Variants in MBNL2 observed in about 807,000 individuals in gnomAD.
The protein encoded by MBNL2 is muscleblind like splicing regulator 2.
MBNL2 carries 17 observed loss-of-function variants against 41.9 expected under a neutral mutation model. The observed-to-expected ratio is 0.41, with a 90% CI of 0.28 to 0.61. The LOEUF is 0.61. MBNL2 is among the 20% of genes least tolerant of loss of function. MBNL2 has a pLI of 0.35. For missense variants in MBNL2, 336 were observed against 505.6 expected (o/e 0.66, Z 3.22); for synonymous variants, 195 against 182.9 (o/e 1.07, Z -0.53).
chr13:97,204,752 C>T, the MBNL2 span, among the ~76,000 whole-genome samples: 1 of 152,140 alleles, frequency 6.6e-6, no homozygotes, highest in African/African-American at 2.4e-5. Context: ...CCCTTCAGTG[C>T]TGGGTCCCCC....
chr13:97,359,194 G>C (rs2063208623), intron 7 of MBNL2, among the ~76,000 whole-genome samples: 1 of 151,890 alleles, frequency 6.6e-6, no homozygotes, highest in Non-Finnish European at 1.5e-5. Context: ...TTACTAGAAG[G>C]TAAACTTACG....
the MBNL2 span, among the ~76,000 whole-genome samples, chr13:97,148,450 C>T: frequency 2.0e-5 from 3 of 151,834 alleles, no homozygotes; most frequent in African/African-American, 4.8e-5. Context: ...TTTATGTAAA[C>T]GATGGACTTT....
At chr13:97,300,749 G>C (rs1594179494) in intron 2 of MBNL2, among the ~76,000 whole-genome samples, 1 of 152,140 alleles carries the variant, frequency 6.6e-6, no homozygotes, top group Middle Eastern at 3.4e-3. Flanking sequence ...AAAAATTTGG[G>C]TGCTCAATCC....
At chr13:97,146,901 C>T in the MBNL2 span, among the ~76,000 whole-genome samples, 1 of 152,214 alleles carries the variant, frequency 6.6e-6, no homozygotes, top group Admixed American at 6.5e-5. Context: ...GAAAAGGCAA[C>T]TCCCATTGGA....
intron 5 of MBNL2, among the ~76,000 whole-genome samples, chr13:97,351,665 T>G (rs2062471761): frequency 6.6e-6 from 1 of 152,214 alleles, no homozygotes; most frequent in Non-Finnish European, 1.5e-5. Context: ...CTTCCAACTT[T>G]TCTTTTGTAG....
At chr13:97,327,053 G>A (rs1468053985) in intron 2 of MBNL2, among the ~76,000 whole-genome samples, 2 of 152,156 alleles carry the variant, frequency 1.3e-5, no homozygotes, top group South Asian at 2.1e-4. Flanking sequence ...AAACTATGGG[G>A]AAACTGAGGC....
chr13:97,363,485 A>C (rs1202122051), intron 7 of MBNL2, among the ~76,000 whole-genome samples: 1 of 144,282 alleles, frequency 6.9e-6, no homozygotes, highest in Non-Finnish European at 1.5e-5. Flanking sequence ...TAAGGGAAGA[A>C]AGTGGCTTCC....
intron 1 of MBNL2, among the ~76,000 whole-genome samples, chr13:97,264,105 A>G (rs1342333067): frequency 1.3e-5 from 2 of 149,454 alleles, no homozygotes; most frequent in Admixed American, 6.7e-5. Flanking sequence ...CTGCCTCCCG[A>G]GTAGCTGGGG....
the MBNL2 span, among the ~76,000 whole-genome samples, chr13:97,214,273 T>G: frequency 2.6e-5 from 4 of 152,208 alleles, no homozygotes; most frequent in Non-Finnish European, 5.9e-5. Context: ...TCCTGGTTTT[T>G]TAAAACTTGG....
intron 2 of MBNL2, among the ~76,000 whole-genome samples, chr13:97,297,741 G>A (rs1317423518): frequency 6.6e-6 from 1 of 152,214 alleles, no homozygotes; most frequent in Non-Finnish European, 1.5e-5. Flanking sequence ...TGATGAAGGA[G>A]TCTGGATATC....
At chr13:97,237,838 C>T (rs1009262359) in intron 1 of MBNL2, among the ~76,000 whole-genome samples, 2 of 152,108 alleles carry the variant, frequency 1.3e-5, no homozygotes, top group Admixed American at 6.5e-5. Context: ...GAGATAATTC[C>T]GTGAGCAGAG....
chr13:97,356,741 C>T (rs2063019388), intron 5 of MBNL2, 55 bp from the exon 6 acceptor site: 3 of 1,093,042 alleles, frequency 2.7e-6, no homozygotes, highest in Admixed American at 2.0e-5. Context: ...TATGTTAATT[C>T]GCTTGAATCC....
intron 2 of MBNL2, among the ~76,000 whole-genome samples, chr13:97,331,545 T>C (rs1244785744): frequency 6.6e-6 from 1 of 152,252 alleles, no homozygotes. Flanking sequence ...ATTTTAACTA[T>C]TGCTAATGAA....
chr13:97,229,637 G>A (rs2152777729), intron 1 of MBNL2, among the ~76,000 whole-genome samples: 1 of 152,278 alleles, frequency 6.6e-6, no homozygotes, highest in South Asian at 2.1e-4. Context: ...ATAGCATGAT[G>A]TGGTATAGTG....
rs1382031020 is a variant in MBNL2, at chr13:97,346,503, T to C, written c.541-301T>C. ...CAGATCGATAGACAGCTGCATAATATGCTACCCAGGGACAATGGAGGCCTT... is the reference window on the plus strand; with the variant it reads ...CAGATCGATAGACAGCTGCATAATACGCTACCCAGGGACAATGGAGGCCTT... On this transcript the variant is annotated intron_variant, in intron 4 of 8. Transcript: ENST00000679496. This position sits in a 1 kb window ranked among gnomAD's most constrained non-coding sequence, Gnocchi z 4.2. Among the ~76,000 whole-genome samples, 1 of 152,218 alleles carries C rather than the reference T, an allele frequency of 6.6e-6. No individual in the cohort carries two copies. The highest frequency in any genetic ancestry group is 1.5e-5 in the Non-Finnish European group (1 of 68,044).
At chr13:97,210,869 T>A in the MBNL2 span, among the ~76,000 whole-genome samples, 2 of 152,124 alleles carry the variant, frequency 1.3e-5, no homozygotes, top group Non-Finnish European at 2.9e-5. Context: ...TTGAAACTTC[T>A]AAGTGGAAGG....
chr13:97,252,006 G>A (rs527672362), intron 1 of MBNL2, among the ~76,000 whole-genome samples: 4 of 150,142 alleles, frequency 2.7e-5, no homozygotes, highest in Non-Finnish European at 4.4e-5. Flanking sequence ...GCCCGCCACC[G>A]CGCCCGGCTA....
the MBNL2 span, among the ~76,000 whole-genome samples, chr13:97,194,623 A>G: frequency 6.6e-6 from 1 of 152,220 alleles, no homozygotes; most frequent in African/African-American, 2.4e-5. Context: ...GAGATAGGTC[A>G]GCAGGGCTGG....
the MBNL2 span, among the ~76,000 whole-genome samples, chr13:97,160,435 G>A: frequency 3.9e-5 from 6 of 152,174 alleles, no homozygotes; most frequent in Non-Finnish European, 7.4e-5. Context: ...ATTAAGAACA[G>A]ATATGGCCTA....
Sources: gnomAD v4.1 joint callset for allele counts (sites outside exome capture counted in the v4.1 genomes callset) on GRCh38, gnomAD v4.1.1 for gene constraint, Gnocchi (gnomAD v3.1) non-coding constraint, MANE v1.5 for transcripts, NCBI Gene and HGNC (gene_info 2026-07-23, HGNC 2026-07-21) for gene names.